The following CANX variants were observed in gnomAD, a reference collection of about 807,000 sequenced individuals.
CANX encodes the protein calnexin.
CANX carries 14 observed loss-of-function variants against 75.7 expected under a neutral mutation model. The observed-to-expected ratio is 0.19, with a 90% CI of 0.12 to 0.29. The LOEUF (loss-of-function observed/expected upper bound fraction) is 0.29, where lower values mean the gene tolerates loss of function less well. Ranked by LOEUF, CANX falls within the 10% of genes least tolerant of loss-of-function variation. The probability of loss-of-function intolerance (pLI) is 1.00; values close to 1 mark genes in which losing one functional copy is unlikely to be tolerated. For missense variants in CANX, 567 were observed against 713.2 expected, an observed-to-expected ratio of 0.79 and a Z score of 2.34; for synonymous variants, 227 against 236.9, an observed-to-expected ratio of 0.96 and a Z score of 0.38.
chr5:179,680,122 T>C (rs1045837152), intron 1 of CANX, among the ~76,000 whole-genome samples: 3 of 152,082 alleles, frequency 2.0e-5, no homozygotes, highest in Admixed American at 1.3e-4. Flanking sequence ...GGCAGGACTT[T>C]CATATTTCAG....
At chr5:179,709,752 T>C (rs1170093787) in intron 6 of CANX, 121 bp from the exon 7 acceptor site, 1 of 610,292 alleles carries the variant, frequency 1.6e-6, no homozygotes, top group African/African-American at 1.9e-5. Context: ...AGTTAGCTTT[T>C]CCTTTAACTG....
In CANX at chr5:179,723,733, T is replaced by A; in HGVS notation, c.1472T>A (p.Val491Glu). Residue 491 changes from valine (V) to glutamate (E), a missense_variant, in exon 12 of 15, where the codon GTA (valine) becomes GAA (glutamate). Transcript: ENST00000247461. ...CTGTGGGTAGTCTATATTCTAACTG[T>A]AGCCCTTCCTGTGTTCCTGGTTATC... is the stretch of plus-strand genomic sequence containing the variant. ...PWLWVVYILTVALPVFLVILF... is the reference protein window; with the variant it reads ...PWLWVVYILTEALPVFLVILF... 6.2e-7 allele frequency: 1 copy of A among 1,613,548 alleles called. No individual in the cohort carries two copies. The highest frequency in any genetic ancestry group is 8.5e-7 in the Non-Finnish European group (1 of 1,179,656).
At chr5:179,716,057 G>A (rs1444303953) in intron 7 of CANX, 48 bp from the exon 8 acceptor site, 2 of 1,317,480 alleles carry the variant, frequency 1.5e-6, no homozygotes, top group Non-Finnish European at 1.1e-6. Flanking sequence ...ATGGTAAAGG[G>A]AGCTTGGAAA....
chr5:179,698,652 A>C (rs1407543916), upstream of CANX: 29 of 1,201,588 alleles, frequency 2.4e-5, no homozygotes, highest in Non-Finnish European at 3.2e-5. Context: ...GCACCACAGC[A>C]ACCGACGCGG....
rs1473531397 is a variant in CANX at position 179,729,171 on chromosome 5, C to T, written c.*527C>T. 6.0e-6 allele frequency: 1 copy of T among 167,748 alleles called. No homozygotes were observed. Among genetic ancestry groups the T allele is most frequent in the Non-Finnish European group, 1.3e-5 (1 of 77,850 alleles). 10.4% of individuals were successfully genotyped at this position (167,748 alleles called of 1,614,324 possible). On this transcript the variant is annotated 3_prime_UTR_variant, in exon 15 of 15. Transcript: ENST00000247461. Reference sequence around the variant, plus strand: ...GTTAGAATCTTGTTTTGTTTGCTTCCATTATTGAGTTCCTCCTAAGGAAAT... The same window carrying T: ...GTTAGAATCTTGTTTTGTTTGCTTCTATTATTGAGTTCCTCCTAAGGAAAT...
At chr5:179,708,691 A>G (rs1211575170) in intron 5 of CANX, among the ~76,000 whole-genome samples, 1 of 152,154 alleles carries the variant, frequency 6.6e-6, no homozygotes, top group African/African-American at 2.4e-5. Flanking sequence ...TTCCTGCCTA[A>G]TGCATTATTT....
chr5:179,691,751 C>T (rs879272338), intron 1 of CANX, among the ~76,000 whole-genome samples: 10 of 151,920 alleles, frequency 6.6e-5, no homozygotes, highest in Non-Finnish European at 1.5e-4. Context: ...CACTATATCT[C>T]TCTTCTTTAT....
At position 179,722,843 on chromosome 5, in the gene CANX, T is replaced by A; in HGVS notation, c.1222T>A (p.Phe408Ile). Residue 408 changes from phenylalanine to isoleucine, a missense_variant, in exon 11 of 15, where the codon TTT (phenylalanine) becomes ATT (isoleucine). By Grantham distance (21) the Phe-to-Ile change is conservative. Around this residue, in one of 3 missense-constraint regions of CANX, gnomAD observed 49 missense variants for 100.1 expected, o/e 0.49. Coordinates refer to ENST00000247461, the MANE Select transcript of CANX (RefSeq NM_001746.4). Reference sequence around the variant, plus strand: ...CAGGAAAATACCAAATCCAGATTTCTTTGAAGATCTGGAACCTTTCAGAAT... The same window carrying A: ...CAGGAAAATACCAAATCCAGATTTCATTGAAGATCTGGAACCTTTCAGAAT... ...KPRKIPNPDF[F>I]EDLEPFRMTP... 1 of 1,613,422 alleles carries A rather than the reference T, an allele frequency of 6.2e-7. No individual in the cohort carries two copies. The highest frequency in any genetic ancestry group is 1.1e-5 in the South Asian group (1 of 91,074).
chr5:179,715,918 T>C (rs1175489767), intron 7 of CANX, 187 bp from the exon 8 acceptor site: 1 of 680,532 alleles, frequency 1.5e-6, no homozygotes, highest in Admixed American at 2.1e-5. Flanking sequence ...GGACTAATCA[T>C]TTATGTTTCG....
At position 179,719,578 on chromosome 5, in the gene CANX, A is replaced by G. The variant is rs1778175909; in HGVS notation, c.912-90A>G. On this transcript the variant is annotated intron_variant, in intron 8 of 14. Transcript: ENST00000247461. ...ATTTTAAATTTTGAGATTAAAAACA[A>G]ATTTTTTTAGAATACTCTGTTCTGA... 6.7e-6 allele frequency: 4 copies of G among 599,598 alleles called. No individual in the cohort carries two copies. In the Admixed American group the frequency reaches 1.4e-4, roughly 21 times the overall value. The allele number at this position is 599,598 out of a possible 1,614,324, so 37.1% of individuals were successfully genotyped here.
chr5:179,719,122 G>C (rs543253144), intron 8 of CANX, among the ~76,000 whole-genome samples: 1 of 152,178 alleles, frequency 6.6e-6, no homozygotes, highest in African/African-American at 2.4e-5. Context: ...ATTTCTCTTG[G>C]GTATATATAC....
chr5:179,725,294 C>A (rs1231399502), intron 13 of CANX, among the ~76,000 whole-genome samples: 1 of 151,746 alleles, frequency 6.6e-6, no homozygotes, highest in African/African-American at 2.4e-5. Context: ...GCAGCCTTTG[C>A]CTCCCAGATT....
chr5:179,707,096 C>T (rs778283068), intron 3 of CANX, 36 bp from the exon 4 acceptor site: 4 of 1,290,556 alleles, frequency 3.1e-6, no homozygotes, highest in African/African-American at 1.5e-5. Context: ...AGTCAACTGT[C>T]ATTTTAAGAC....
intron 1 of CANX, among the ~76,000 whole-genome samples, chr5:179,682,913 G>A (rs1442132120): frequency 1.3e-5 from 2 of 152,112 alleles, no homozygotes; most frequent in Non-Finnish European, 2.9e-5. Context: ...GAGGAGGGAA[G>A]TGGCTGGGCA....
At chr5:179,704,755 G>C (rs193007141) in intron 1 of CANX, among the ~76,000 whole-genome samples, 16 of 152,290 alleles carry the variant, frequency 1.1e-4, no homozygotes, top group African/African-American at 3.8e-4. Context: ...AGAATTACTT[G>C]AACCTGGGAG....
intron 7 of CANX, 150 bp from the exon 8 acceptor site, chr5:179,715,955 C>T (rs1219737501): frequency 1.4e-6 from 1 of 709,542 alleles, no homozygotes; most frequent in African/African-American, 1.7e-5. Context: ...CGTTAGCTTC[C>T]CCAAGACCCC....
At chr5:179,698,323 A>G (rs887097684), upstream of CANX, 8 of 829,984 alleles carry the variant, frequency 9.6e-6, no homozygotes, top group Non-Finnish European at 1.3e-5. Context: ...ATTATTCTGG[A>G]CTGTGTGTTA....
intron 7 of CANX, chr5:179,715,848 G>T: frequency 4.8e-5 from 23 of 483,044 alleles, no homozygotes; most frequent in East Asian, 9.2e-5. Flanking sequence ...GTGTCTATAA[G>T]TCAAGTCTTT....
At chr5:179,684,086 CT>C (rs1562432144) in intron 1 of CANX, among the ~76,000 whole-genome samples, 2 of 152,128 alleles carry the variant, frequency 1.3e-5, no homozygotes, top group African/African-American at 4.8e-5. Flanking sequence ...GCTTTCATTT[CT>C]CTTAAGTAAA....
Sources: allele counts gnomAD v4.1 joint callset (sites outside exome capture counted in the v4.1 genomes callset), GRCh38; gene constraint gnomAD v4.1.1; regional missense constraint gnomAD v4.1.1; transcripts MANE v1.5; gene names NCBI Gene and HGNC (gene_info 2026-07-23, HGNC 2026-07-21).